FSTL4: variants seen among roughly 807,000 people sequenced by gnomAD.
FSTL4 encodes the protein follistatin-related protein 4.
In FSTL4, 28 loss-of-function variants were observed where a neutral mutation model predicts 78.2. The observed-to-expected ratio is 0.36, with a 90% CI of 0.27 to 0.49. FSTL4 has a LOEUF of 0.49. Ranked by LOEUF, FSTL4 falls within the 20% of genes least tolerant of loss-of-function variation. The pLI is 0.98. For synonymous variants in FSTL4, 422 were observed against 440.5 expected (o/e 0.96, Z 0.53); for missense variants, 922 against 1,084.9 (o/e 0.85, Z 2.11).
chr5:133,789,665 A>G, the FSTL4 span, among the ~76,000 whole-genome samples: 1 of 152,272 alleles, frequency 6.6e-6, no homozygotes, highest in South Asian at 2.1e-4. Flanking sequence ...TAAACATCAG[A>G]TGTTTATTTT....
intron 4 of FSTL4, among the ~76,000 whole-genome samples, chr5:133,395,798 C>A (rs561797892): frequency 6.6e-6 from 1 of 152,182 alleles, no homozygotes; most frequent in Admixed American, 6.5e-5. Context: ...TGAAGGTCCC[C>A]TCTCCTCCAG....
rs1419482340 is a variant in FSTL4, at chr5:133,300,719, G to C, written c.727+11935C>G. On this transcript the variant is annotated intron_variant, in intron 6 of 15. Transcript: ENST00000265342. The stretch of plus-strand genomic sequence containing the variant: ...ACATTTCCAAGCACCATGGCACAGA[G>C]GTAGACTATTGAGGGTCAGGACCAA... Among the ~76,000 whole-genome samples, 5 of 152,180 alleles carry C rather than the reference G, an allele frequency of 3.3e-5. No individual in the cohort carries two copies. In the East Asian group the frequency reaches 9.6e-4, roughly 29 times the overall value.
At chr5:133,334,069 A>G (rs1754410015) in intron 4 of FSTL4, 2 of 152,280 alleles carry the variant, frequency 1.3e-5, no homozygotes, top group Admixed American at 6.5e-5. Context: ...CTCCACAGGT[A>G]ATTTGTATCG....
intron 3 of FSTL4, among the ~76,000 whole-genome samples, chr5:133,510,824 G>A (rs571629478): frequency 1.3e-5 from 2 of 152,176 alleles, no homozygotes; most frequent in South Asian, 4.2e-4. Context: ...CAAGGCTAGA[G>A]CCACAGCCGT....
chr5:133,797,552 G>A, the FSTL4 span, among the ~76,000 whole-genome samples: 1 of 152,140 alleles, frequency 6.6e-6, no homozygotes, highest in Admixed American at 6.5e-5. Flanking sequence ...CAAAAGAGAG[G>A]GGGTATAACC....
intron 4 of FSTL4, among the ~76,000 whole-genome samples, chr5:133,327,652 T>C (rs186055495): frequency 6.6e-6 from 1 of 152,246 alleles, no homozygotes; most frequent in Non-Finnish European, 1.5e-5. Context: ...TTCCTCTAAT[T>C]GGGAAACAGA....
intron 3 of FSTL4, among the ~76,000 whole-genome samples, chr5:133,495,476 T>G (rs1349400761): frequency 6.6e-6 from 1 of 152,348 alleles, no homozygotes; most frequent in East Asian, 1.9e-4. Flanking sequence ...ATAACTGAGC[T>G]TAAGGCCTTT....
chr5:133,707,102 C>T, the FSTL4 span, among the ~76,000 whole-genome samples: 1 of 152,196 alleles, frequency 6.6e-6, no homozygotes, highest in African/African-American at 2.4e-5. Context: ...GGTCAGAGGA[C>T]CAAACTAGTG....
chr5:133,773,674 C>T, the FSTL4 span, among the ~76,000 whole-genome samples: 3 of 152,280 alleles, frequency 2.0e-5, no homozygotes, highest in East Asian at 1.9e-4. Flanking sequence ...CTAGTTCCTG[C>T]GTGCTTCATC....
intron 3 of FSTL4, among the ~76,000 whole-genome samples, chr5:133,450,357 A>G (rs571502043): frequency 9.2e-5 from 14 of 152,344 alleles, no homozygotes; most frequent in Admixed American, 7.2e-4. Context: ...TGGGCCCCTC[A>G]GGAGCTGGGA....
At chr5:133,614,725 A>G (rs1761168775), upstream of FSTL4, among the ~76,000 whole-genome samples, 1 of 152,212 alleles carries the variant, frequency 6.6e-6, no homozygotes, top group East Asian at 1.9e-4. Flanking sequence ...GATTCTCAAT[A>G]GCCAACTAGG....
At chr5:133,328,359 T>C (rs1302195660) in intron 4 of FSTL4, among the ~76,000 whole-genome samples, 1 of 152,224 alleles carries the variant, frequency 6.6e-6, no homozygotes, top group Non-Finnish European at 1.5e-5. Context: ...TCAATTGATG[T>C]TGCTATACAA....
At chr5:133,730,072 C>CTTTGA in the FSTL4 span, among the ~76,000 whole-genome samples, 1 of 152,186 alleles carries the variant, frequency 6.6e-6, no homozygotes, top group Non-Finnish European at 1.5e-5. Flanking sequence ...AGTAAATTGA[C>CTTTGA]TTTGATTGTG....
chr5:133,616,796 T>A (rs146039272), upstream of FSTL4, among the ~76,000 whole-genome samples: 13 of 152,238 alleles, frequency 8.5e-5, no homozygotes, highest in African/African-American at 2.9e-4. Flanking sequence ...CTATCCAACC[T>A]TCAGGGGTAT....
chr5:133,760,528 A>C, the FSTL4 span, among the ~76,000 whole-genome samples: 2 of 152,150 alleles, frequency 1.3e-5, no homozygotes, highest in Non-Finnish European at 2.9e-5. Flanking sequence ...AGACAGGGCG[A>C]TCTCCATTTA....
chr5:133,560,678 T>C (rs1759892133), intron 3 of FSTL4, among the ~76,000 whole-genome samples: 1 of 151,966 alleles, frequency 6.6e-6, no homozygotes, highest in African/African-American at 2.4e-5. Context: ...GTCTTTAAGT[T>C]CTTAAAGGCA....
intron 3 of FSTL4, among the ~76,000 whole-genome samples, chr5:133,459,090 C>T (rs929553894): frequency 1.3e-5 from 2 of 152,162 alleles, no homozygotes; most frequent in Non-Finnish European, 2.9e-5. Flanking sequence ...AGCAGGAGGG[C>T]ATGTGTGGGG....
intron 14 of FSTL4, chr5:133,202,618 G>A (rs1750365090): frequency 6.6e-6 from 1 of 152,470 alleles, no homozygotes; most frequent in Non-Finnish European, 1.5e-5. Flanking sequence ...TCTCTGAGGT[G>A]CGACTCCAGG....
intron 3 of FSTL4, among the ~76,000 whole-genome samples, chr5:133,481,292 G>A (rs1224525996): frequency 1.3e-5 from 2 of 152,182 alleles, no homozygotes; most frequent in Non-Finnish European, 2.9e-5. Context: ...TGTAATCCCA[G>A]CACTTGGGGA....
Sources: gnomAD v4.1 joint callset for allele counts (sites outside exome capture counted in the v4.1 genomes callset) on GRCh38, gnomAD v4.1.1 for gene constraint, MANE v1.5 for transcripts, NCBI Gene and HGNC (gene_info 2026-07-23, HGNC 2026-07-21) for gene names.